The following HMCN2 variants were observed in gnomAD, a reference collection of about 807,000 sequenced individuals.
HMCN2 encodes the protein hemicentin 2, also known as hemicentin-2.
In HMCN2, 325 loss-of-function variants were observed where a neutral mutation model predicts 377.5. The ratio of observed to expected loss-of-function variants is 0.86; its 90% CI spans 0.79 to 0.94. HMCN2 has a LOEUF of 0.94. HMCN2 is among the 40% of genes least tolerant of loss of function. The pLI, the probability that HMCN2 is intolerant of heterozygous loss-of-function variation, is 0.00. For synonymous variants in HMCN2, 2,007 were observed against 2,046.8 expected (o/e 0.98, Z 0.53); for missense variants, 4,543 against 4,725.3 (o/e 0.96, Z 1.13).
intron 31 of HMCN2, 26 bp from the exon 32 acceptor site, chr9:130,354,737 C>A: frequency 7.9e-7 from 1 of 1,272,140 alleles, no homozygotes; most frequent in Non-Finnish European, 1.0e-6. Context: ...CTGTGGTCCC[C>A]AAGCCGCCCC....
chr9:130,373,679 G>GGATAGATA (rs1490685454), intron 48 of HMCN2, among the ~76,000 whole-genome samples: 1 of 142,678 alleles, frequency 7.0e-6, no homozygotes, highest in East Asian at 2.1e-4. Flanking sequence ...ATGGATGGAT[G>GGATAGATA]GATGGATGGA....
intron 35 of HMCN2, 139 bp downstream of exon 35, chr9:130,358,127 T>C: frequency 1.3e-6 from 1 of 785,050 alleles, no homozygotes; most frequent in South Asian, 1.8e-5. Context: ...CCTGAAAGGG[T>C]GAGCCTCAGC....
chr9:130,364,564 A>G (rs562924585), intron 40 of HMCN2, 150 bp from the exon 41 acceptor site: 2 of 188,004 alleles, frequency 1.1e-5, no homozygotes, highest in African/African-American at 4.7e-5. Context: ...AATTTTACTC[A>G]GACTGGCTCC....
At chr9:130,300,114 C>G (rs1836420568) in intron 8 of HMCN2, among the ~76,000 whole-genome samples, 1 of 151,550 alleles carries the variant, frequency 6.6e-6, no homozygotes, top group Non-Finnish European at 1.5e-5. Flanking sequence ...CATCCATCTA[C>G]CCATTCATGC....
intron 15 of HMCN2, among the ~76,000 whole-genome samples, chr9:130,310,853 G>A (rs904387400): frequency 0.045 from 6,907 of 152,260 alleles, 198 homozygotes; most frequent in Admixed American, 0.083. Flanking sequence ...AGTTTCCCAT[G>A]TGTAAAGTGA....
At chr9:130,307,929 GTTTTATT>G (rs1294388357) in intron 14 of HMCN2, among the ~76,000 whole-genome samples, 4 of 152,066 alleles carry the variant, frequency 2.6e-5, no homozygotes, top group Non-Finnish European at 5.9e-5. Flanking sequence ...TGCACATATG[GTTTTATT>G]TTTTATTTTT....
chr9:130,271,024 A>C (rs1405436659), intron 1 of HMCN2, among the ~76,000 whole-genome samples: 2 of 148,980 alleles, frequency 1.3e-5, no homozygotes, highest in Non-Finnish European at 3.0e-5. Flanking sequence ...AATACTGGTC[A>C]GCTCTTTTCC....
Position 130,398,540 on chromosome 9 carries a change from G to T in HMCN2, c.11327-11G>T. The T allele has an allele frequency of 1.7e-6, 2 of 1,209,106 alleles. No individual in the cohort carries two copies. The highest frequency in any genetic ancestry group is 2.1e-6 in the Non-Finnish European group (2 of 942,416). 74.9% of individuals were successfully genotyped at this position (1,209,106 alleles called of 1,614,324 possible). A position where few individuals can be genotyped will look rare whatever the true frequency, so the allele number is the denominator to read the frequency against. The stretch of plus-strand genomic sequence containing the variant: ...CCTGCACCTGTCTCCTGACCACTGT[G>T]CTCTCCCCAGAGCCTCCAGCCATCG... On this transcript the variant is annotated splice_polypyrimidine_tract_variant and intron_variant, in intron 74 of 97. Transcript: ENST00000683500.
At chr9:130,398,180 T>TAAAAAAAA (rs1842702129) in intron 74 of HMCN2, among the ~76,000 whole-genome samples, 1 of 106,586 alleles carries the variant, frequency 9.4e-6, no homozygotes. Flanking sequence ...AAAAAAAAAG[T>TAAAAAAAA]AAAACATGTG....
In HMCN2 at chr9:130,422,706, G is replaced by A. The variant is rs911282337; in HGVS notation, c.13361G>A (p.Arg4454His). The A allele has an allele frequency of 2.3e-6, 3 of 1,282,260 alleles. No individual in the cohort carries two copies. Among genetic ancestry groups the A allele is most frequent in the South Asian group, 5.6e-5 (2 of 35,484 alleles). 79.4% of individuals were successfully genotyped at this position (1,282,260 alleles called of 1,614,324 possible). Residue 4454 changes from arginine (R) to histidine (H), a missense_variant, in exon 87 of 98, where the codon CGC becomes CAC. Coordinates refer to ENST00000683500, the MANE Select transcript of HMCN2 (RefSeq NM_001291815.2). This position sits in a 1 kb window ranked among gnomAD's most constrained non-coding sequence, Gnocchi z 4.2. Reference protein sequence around the residue: ...SGVSSIHSSIRHVPANVGPLM... With the variant: ...SGVSSIHSSIHHVPANVGPLM... ...GTCAGCAGCATCCACAGCAGCATCC[G>A]CCATGTCCCAGCAAACGTGGGTGAG... is the stretch of plus-strand genomic sequence containing the variant.
intron 57 of HMCN2, among the ~76,000 whole-genome samples, chr9:130,383,872 C>T (rs1409672350): frequency 6.6e-6 from 1 of 152,228 alleles, no homozygotes; most frequent in Non-Finnish European, 1.5e-5. Context: ...AGGCTGAGCA[C>T]TTTCCCTGGG....
At chr9:130,277,772 CCAT>C (rs373075555) in intron 1 of HMCN2, among the ~76,000 whole-genome samples, 9,351 of 96,332 alleles carry the variant, frequency 0.097, 952 homozygotes, top group African/African-American at 0.12. Context: ...ATCACCACCA[CCAT>C]CATCATCACC....
In HMCN2 at chr9:130,398,605, C is replaced by A; in HGVS notation, c.11381C>A (p.Pro3794Gln). ...PSNLTLTAHT[P>Q]ALLPCEASGS... The stretch of plus-strand genomic sequence containing the variant: ...AACCTGACCCTGACCGCCCACACCC[C>A]AGCCTTGCTGCCCTGCGAGGCCAGC... The change falls in exon 75 of 98, where the codon CCA (proline) becomes CAA (glutamine). Residue 3794 changes from proline (P) to glutamine (Q), a missense_variant. Physicochemically the swap from Pro to Gln is moderately conservative, Grantham distance 76. Transcript: ENST00000683500. 7.8e-7 allele frequency: 1 copy of A among 1,285,520 alleles called. No homozygotes were observed. Among genetic ancestry groups the A allele is most frequent in the Non-Finnish European group, 1.0e-6 (1 of 985,818 alleles). The allele number at this position is 1,285,520 out of a possible 1,614,324, so 79.6% of individuals were successfully genotyped here.
At chr9:130,392,779 A>T (rs371368356) in intron 66 of HMCN2, among the ~76,000 whole-genome samples, 1 of 151,904 alleles carries the variant, frequency 6.6e-6, no homozygotes, top group South Asian at 2.1e-4. Context: ...GGCAGATTAC[A>T]AGGTCAGGAG....
chr9:130,409,844 TC>T (rs1374396008), intron 84 of HMCN2, among the ~76,000 whole-genome samples: 3 of 152,102 alleles, frequency 2.0e-5, no homozygotes, highest in South Asian at 4.1e-4. Flanking sequence ...TGCCATGCTA[TC>T]CCCCCCAGTC....
intron 1 of HMCN2, among the ~76,000 whole-genome samples, chr9:130,282,469 G>A (rs192145556): frequency 6.6e-6 from 1 of 152,346 alleles, no homozygotes; most frequent in Admixed American, 6.5e-5. Flanking sequence ...CTCCAAGGCT[G>A]AGGACTGAGC....
At position 130,303,808 on chromosome 9, in the gene HMCN2, G is replaced by A. The variant is rs551997688; in HGVS notation, c.1543+200G>A. On this transcript the variant is annotated intron_variant, in intron 10 of 97. Coordinates refer to ENST00000683500, the MANE Select transcript of HMCN2 (RefSeq NM_001291815.2). The surrounding 1 kb of genome is among the most constrained non-coding windows in gnomAD (Gnocchi z 5.2). Reference sequence around the variant, plus strand: ...AGGAACGGCCTGTGGGTCTCCGCTGGAGGAAGGCTGAGGACCTGGCTTGGG... The same window carrying A: ...AGGAACGGCCTGTGGGTCTCCGCTGAAGGAAGGCTGAGGACCTGGCTTGGG... 2.0e-5 allele frequency among the ~76,000 whole-genome samples: 3 copies of A among 152,300 alleles called. No individual in the cohort carries two copies. In the East Asian group the frequency reaches 5.8e-4, roughly 29 times the overall value.
intron 1 of HMCN2, among the ~76,000 whole-genome samples, chr9:130,280,232 G>A (rs1450914138): frequency 1.3e-5 from 2 of 148,956 alleles, no homozygotes; most frequent in Admixed American, 1.4e-4. Flanking sequence ...GCGCGATCTC[G>A]GCTCACTGCA....
intron 35 of HMCN2, 147 bp from the exon 36 acceptor site, chr9:130,358,243 C>G (rs1840156273): frequency 2.1e-6 from 2 of 932,332 alleles, no homozygotes; most frequent in South Asian, 3.2e-5. Context: ...AATCCAAGTG[C>G]TTGGCTCATA....
Sources: allele counts gnomAD v4.1 joint callset (sites outside exome capture counted in the v4.1 genomes callset), GRCh38; gene constraint gnomAD v4.1.1; non-coding constraint Gnocchi (gnomAD v3.1); transcripts MANE v1.5; gene names NCBI Gene and HGNC (gene_info 2026-07-23, HGNC 2026-07-21).